The following CTBP2 variants were observed in gnomAD, a reference collection of about 807,000 sequenced individuals.
CTBP2 encodes the protein C-terminal binding protein 2.
CTBP2 carries 30 observed loss-of-function variants against 80.3 expected under a neutral mutation model. The ratio of observed to expected loss-of-function variants is 0.37; its 90% CI spans 0.28 to 0.51. The LOEUF is 0.51. Ranked by LOEUF, CTBP2 falls within the 20% of genes least tolerant of loss-of-function variation. The pLI is 0.93. For missense variants in CTBP2, 1,212 were observed against 1,375.3 expected, an observed-to-expected ratio of 0.88 and a Z score of 1.88; for synonymous variants, 594 against 587.4, an observed-to-expected ratio of 1.01 and a Z score of -0.16.
At chr10:125,077,048 G>A (rs1289930323) in intron 2 of CTBP2, among the ~76,000 whole-genome samples, 1 of 152,182 alleles carries the variant, frequency 6.6e-6, no homozygotes, top group Non-Finnish European at 1.5e-5. Context: ...GTGTCCAGAT[G>A]CGCCACGCCT....
At chr10:125,074,848 C>A (rs1242997947) in intron 2 of CTBP2, among the ~76,000 whole-genome samples, 5 of 152,178 alleles carry the variant, frequency 3.3e-5, no homozygotes, top group African/African-American at 4.8e-5. Context: ...TTTAACCTGG[C>A]AGAGAAGTAC....
At chr10:125,098,621 C>G (rs562362600) in intron 2 of CTBP2, among the ~76,000 whole-genome samples, 1 of 127,916 alleles carries the variant, frequency 7.8e-6, no homozygotes, top group African/African-American at 2.9e-5. Context: ...CAGCCTGGGG[C>G]TGCTGCGGGT....
At chr10:125,142,683 C>T (rs1282688033) in intron 1 of CTBP2, among the ~76,000 whole-genome samples, 1 of 152,170 alleles carries the variant, frequency 6.6e-6, no homozygotes, top group African/African-American at 2.4e-5. Context: ...AATTAAATGA[C>T]TTGCTTTATG....
At chr10:125,031,697 A>G (rs906276888), upstream of CTBP2, among the ~76,000 whole-genome samples, 4 of 152,180 alleles carry the variant, frequency 2.6e-5, no homozygotes, top group African/African-American at 9.6e-5. Context: ...CACAGCAACA[A>G]TTAGCAAAAC....
At chr10:125,005,566 G>C in intron 1 of CTBP2, 1 of 1,611,684 alleles carries the variant, frequency 6.2e-7, no homozygotes, top group Non-Finnish European at 8.5e-7. Context: ...ACCTGTATGA[G>C]TGGACAGGAA....
chr10:125,014,855 G>T (rs1956309848), intron 1 of CTBP2, among the ~76,000 whole-genome samples: 1 of 152,250 alleles, frequency 6.6e-6, no homozygotes, highest in Non-Finnish European at 1.5e-5. Context: ...AGCCGCCTTG[G>T]CCGGCAGGGA....
chr10:125,139,923 C>T lies in CTBP2; in HGVS notation c.-206+20396G>A, dbSNP rs140666619. ...CAGACAGTAAAGAACTTTGCTCTCA[C>T]CATCCGAAAGCAGACCGGTGGCCAC... On this transcript the variant is annotated intron_variant, in intron 1 of 10. Transcript: ENST00000337195. 6.2e-3 allele frequency among the ~76,000 whole-genome samples: 943 copies of T among 152,234 alleles called. 6 individuals are homozygous for T. Among genetic ancestry groups the T allele is most frequent in the Middle Eastern group, 0.02 (6 of 294 alleles).
intron 1 of CTBP2, among the ~76,000 whole-genome samples, chr10:125,131,572 C>T (rs566432778): frequency 1.3e-5 from 2 of 152,258 alleles, no homozygotes; most frequent in South Asian, 2.1e-4. Flanking sequence ...GAGGGGGCAG[C>T]GGCGGGTTGG....
At chr10:125,044,111 T>G (rs1960609692) in intron 2 of CTBP2, among the ~76,000 whole-genome samples, 1 of 152,182 alleles carries the variant, frequency 6.6e-6, no homozygotes, top group South Asian at 2.1e-4. Context: ...GCAACCCAGA[T>G]GGCCGCATCA....
intron 1 of CTBP2, among the ~76,000 whole-genome samples, chr10:125,155,581 C>A (rs1255103299): frequency 6.6e-6 from 1 of 151,944 alleles, no homozygotes; most frequent in African/African-American, 2.4e-5. Context: ...CTTTTGGATA[C>A]TCTCCATTAA....
chr10:125,070,476 G>C (rs937141098), intron 2 of CTBP2, among the ~76,000 whole-genome samples: 2 of 151,934 alleles, frequency 1.3e-5, no homozygotes, highest in Non-Finnish European at 2.9e-5. Flanking sequence ...AGGATAGCTT[G>C]AGTCCAGAAA....
In CTBP2 at chr10:125,122,822, C is replaced by T. The variant is rs138709614; in HGVS notation, c.-205-11729G>A. The T allele has an allele frequency of 8.1e-3, 1,239 of 152,298 alleles. 9 individuals carry two copies. The highest frequency in any genetic ancestry group is 0.011 in the Non-Finnish European group (767 of 68,046). The allele number at this position is 152,298 out of a possible 1,614,324, so 9.4% of individuals were successfully genotyped here. A position where few individuals can be genotyped will look rare whatever the true frequency, so the allele number is the denominator to read the frequency against. On this transcript the variant is annotated intron_variant, in intron 1 of 10. Coordinates refer to the CTBP2 transcript ENST00000337195. ...CACCAAGCAAGGGTCCTGTCACTCT[C>T]GGGTTTCCATGATGGATTTCCTCTT...
At chr10:125,009,397 T>TCCAGAGGCC (rs1327569748) in intron 1 of CTBP2, among the ~76,000 whole-genome samples, 1 of 151,722 alleles carries the variant, frequency 6.6e-6, no homozygotes, top group Non-Finnish European at 1.5e-5. Flanking sequence ...CCACACAAAC[T>TCCAGAGGCC]CCAGAGGCCG....
chr10:125,068,682 T>G (rs7087286), intron 2 of CTBP2, among the ~76,000 whole-genome samples: 1 of 152,106 alleles, frequency 6.6e-6, no homozygotes, highest in African/African-American at 2.4e-5. Flanking sequence ...TTTCCCAGTG[T>G]GGTCCCTTGG....
intron 2 of CTBP2, among the ~76,000 whole-genome samples, chr10:125,086,870 G>A (rs1848061082): frequency 6.6e-6 from 1 of 152,104 alleles, no homozygotes; most frequent in Admixed American, 6.5e-5. Context: ...GGCCCTCAGG[G>A]AGGGGGCTCC....
chr10:125,102,671 C>G (rs1850815064), intron 2 of CTBP2, among the ~76,000 whole-genome samples: 1 of 152,222 alleles, frequency 6.6e-6, no homozygotes, highest in African/African-American at 2.4e-5. Flanking sequence ...GTACTGTACT[C>G]TCATCAAAGT....
intron 2 of CTBP2, among the ~76,000 whole-genome samples, chr10:125,058,960 A>G (rs1964468503): frequency 6.6e-6 from 1 of 152,108 alleles, no homozygotes. Context: ...AGATTCCACC[A>G]CCACCAAAAG....
intron 2 of CTBP2, among the ~76,000 whole-genome samples, chr10:125,108,804 A>T (rs1331586551): frequency 1.3e-5 from 2 of 152,252 alleles, no homozygotes; most frequent in Non-Finnish European, 2.9e-5. Flanking sequence ...CAGCACAGTG[A>T]CCATGCTCCA....
intron 1 of CTBP2, among the ~76,000 whole-genome samples, chr10:125,142,869 ATGGTT>A (rs1273566824): frequency 6.6e-6 from 1 of 152,144 alleles, no homozygotes; most frequent in Non-Finnish European, 1.5e-5. Context: ...TCCGCTTCAG[ATGGTT>A]TACTCAGGGA....
Sources: allele counts gnomAD v4.1 joint callset (sites outside exome capture counted in the v4.1 genomes callset), GRCh38; gene constraint gnomAD v4.1.1; transcripts MANE v1.5; gene names NCBI Gene and HGNC (gene_info 2026-07-23, HGNC 2026-07-21).